Variants in KDM2B observed in about 807,000 individuals in gnomAD.
KDM2B encodes the protein lysine demethylase 2B.
Under a neutral mutation model 150.0 loss-of-function variants are expected in KDM2B, and 26 were observed. The ratio of observed to expected loss-of-function variants is 0.17; its 90% CI spans 0.13 to 0.24. KDM2B has a LOEUF of 0.24. KDM2B is among the 10% of genes least tolerant of loss of function. KDM2B has a pLI of 1.00. For synonymous variants in KDM2B, 734 were observed against 729.5 expected (o/e 1.01, Z -0.10); for missense variants, 1,265 against 1,816.9 (o/e 0.70, Z 5.52).
chr12:121,475,137 A>T (rs1214549345), intron 12 of KDM2B, among the ~76,000 whole-genome samples: 2 of 151,188 alleles, frequency 1.3e-5, no homozygotes, highest in East Asian at 3.9e-4. Flanking sequence ...TTGCCTAATG[A>T]TGCATTCTTC....
intron 2 of KDM2B, among the ~76,000 whole-genome samples, chr12:121,577,806 G>A (rs943416930): frequency 1.3e-5 from 2 of 152,122 alleles, no homozygotes; most frequent in East Asian, 1.9e-4. Context: ...CCCCAATCCC[G>A]CAGGCAATAC....
At chr12:121,480,728 C>G (rs1882017652) in intron 12 of KDM2B, among the ~76,000 whole-genome samples, 1 of 151,668 alleles carries the variant, frequency 6.6e-6, no homozygotes, top group Non-Finnish European at 1.5e-5. Flanking sequence ...CAGTATCATG[C>G]TACTATAGTC....
chr12:121,445,956 G>A (rs1363161453), intron 13 of KDM2B, among the ~76,000 whole-genome samples: 1 of 152,236 alleles, frequency 6.6e-6, no homozygotes, highest in Non-Finnish European at 1.5e-5. Flanking sequence ...GGTCAGAACT[G>A]TCTTCAGAAT....
chr12:121,470,052 G>A (rs1476643215), intron 12 of KDM2B: 3 of 151,276 alleles, frequency 2.0e-5, no homozygotes, highest in Non-Finnish European at 2.9e-5. Flanking sequence ...GGCGGAGATC[G>A]TGCCACTGCC....
chr12:121,408,992 G>C, the KDM2B span, among the ~76,000 whole-genome samples: 1 of 150,226 alleles, frequency 6.7e-6, no homozygotes, highest in Non-Finnish European at 1.5e-5. Flanking sequence ...TTTTTTTTGA[G>C]ATGGAGTCTT....
chr12:121,481,697 T>C (rs1431827036), intron 12 of KDM2B, among the ~76,000 whole-genome samples: 1 of 152,216 alleles, frequency 6.6e-6, no homozygotes, highest in African/African-American at 2.4e-5. Flanking sequence ...CGTGGCTTTC[T>C]AATTACTCCA....
At chr12:121,448,776 G>T (rs1475217760) in intron 13 of KDM2B, among the ~76,000 whole-genome samples, 1 of 152,236 alleles carries the variant, frequency 6.6e-6, no homozygotes, top group African/African-American at 2.4e-5. Context: ...ATCTGCCACG[G>T]CCTGAAACAA....
chr12:121,455,464 C>A (rs1878072641), intron 12 of KDM2B, among the ~76,000 whole-genome samples: 1 of 152,224 alleles, frequency 6.6e-6, no homozygotes, highest in South Asian at 2.1e-4. Context: ...ATAAGCCCAG[C>A]ATGCTGGGGT....
At chr12:121,542,405 A>G (rs1456116687) in intron 6 of KDM2B, among the ~76,000 whole-genome samples, 1 of 152,246 alleles carries the variant, frequency 6.6e-6, no homozygotes, top group East Asian at 1.9e-4. Context: ...TTGGCCTCCC[A>G]AAGTGCTGTG....
At position 121,575,702 on chromosome 12, in the gene KDM2B, G is replaced by A. The variant is rs28468612; in HGVS notation, c.350+79C>T. On this transcript the variant is annotated intron_variant, in intron 3 of 22. Coordinates refer to ENST00000377071, the MANE Select transcript of KDM2B (RefSeq NM_032590.5). The surrounding 1 kb of genome is among the most constrained non-coding windows in gnomAD (Gnocchi z 4.4). ...CTCAGTGATGAGAGGTGGGAAGAGGGTGGAAGAAATCCATCCCAAGCTATA... is the reference window on the plus strand; with the variant it reads ...CTCAGTGATGAGAGGTGGGAAGAGGATGGAAGAAATCCATCCCAAGCTATA... The A allele has an allele frequency of 0.047, 47,496 of 1,015,716 alleles. 2,257 individuals carry two copies. Among genetic ancestry groups the A allele is most frequent in the East Asian group, 0.24 (9,935 of 42,098 alleles). The allele number at this position is 1,015,716 out of a possible 1,614,324, so 62.9% of individuals were successfully genotyped here. A position where few individuals can be genotyped will look rare whatever the true frequency, so the allele number is the denominator to read the frequency against.
rs782126432 is a variant in KDM2B, at chr12:121,519,098, G to A, written c.1047+1887C>T. Among the ~76,000 whole-genome samples, 13 of 152,252 alleles carry A rather than the reference G, an allele frequency of 8.5e-5. No homozygotes were observed. In the South Asian group the frequency reaches 1.0e-3, roughly 12 times the overall value. On this transcript the variant is annotated intron_variant, in intron 9 of 22. Transcript: ENST00000377071. ...GACCCAGGTCTCTCCAGATCTAGGC[G>A]TCACGTGTCAATCTGCAGAGGTACA...
At chr12:121,494,540 TG>T in intron 12 of KDM2B, 38 bp downstream of exon 12, 1 of 1,536,584 alleles carries the variant, frequency 6.5e-7, no homozygotes, top group South Asian at 1.2e-5. Context: ...GGGAAGGAGG[TG>T]GGAAGCGGCC....
At chr12:121,483,288 A>C (rs549257013) in intron 12 of KDM2B, among the ~76,000 whole-genome samples, 119 of 152,014 alleles carry the variant, frequency 7.8e-4, no homozygotes, top group African/African-American at 2.7e-3. Context: ...ATATAAAAAA[A>C]ACACACACCA....
At chr12:121,422,636 A>G in the KDM2B span, among the ~76,000 whole-genome samples, 2 of 152,198 alleles carry the variant, frequency 1.3e-5, no homozygotes, top group Admixed American at 1.3e-4. Context: ...TTCTGTTCCA[A>G]CTATTCATGA....
At chr12:121,480,920 GT>G (rs112105685) in intron 12 of KDM2B, among the ~76,000 whole-genome samples, 3 of 137,054 alleles carry the variant, frequency 2.2e-5, no homozygotes, top group East Asian at 2.7e-4. Flanking sequence ...AGTGAGAGGT[GT>G]TTTTTTTGTT....
chr12:121,458,140 T>C (rs574580673), intron 12 of KDM2B, among the ~76,000 whole-genome samples: 209 of 152,222 alleles, frequency 1.4e-3, no homozygotes, highest in African/African-American at 4.8e-3. Flanking sequence ...CTCAGCACTT[T>C]GGGAGGCCAA....
chr12:121,491,743 G>A (rs1487394570), intron 12 of KDM2B, among the ~76,000 whole-genome samples: 1 of 147,100 alleles, frequency 6.8e-6, no homozygotes, highest in South Asian at 2.1e-4. Flanking sequence ...GCAGTGAGCC[G>A]AGATTGCACC....
At chr12:121,572,916 C>T (rs1264254750) in intron 4 of KDM2B, among the ~76,000 whole-genome samples, 4 of 151,546 alleles carry the variant, frequency 2.6e-5, no homozygotes, top group African/African-American at 7.3e-5. Context: ...ACCTCTACCT[C>T]CTAGGTTCAA....
At position 121,537,759 on chromosome 12, in the gene KDM2B, A is replaced by T. The variant is rs1888258996; in HGVS notation, c.684-3169T>A. On this transcript the variant is annotated intron_variant, in intron 6 of 22. Coordinates refer to ENST00000377071, the MANE Select transcript of KDM2B (RefSeq NM_032590.5). The surrounding 1 kb of genome is among the most constrained non-coding windows in gnomAD (Gnocchi z 8.7). ...ACACCCGAGGGGCGCGGGAGGTGCCAAGAGCGCGCCGCACACTCGCACCCG... is the reference window on the plus strand; with the variant it reads ...ACACCCGAGGGGCGCGGGAGGTGCCTAGAGCGCGCCGCACACTCGCACCCG... The T allele has an allele frequency of 6.6e-6, 1 of 151,906 alleles. No individual in the cohort carries two copies. The highest frequency in any genetic ancestry group is 1.5e-5 in the Non-Finnish European group (1 of 67,924). The allele number at this position is 151,906 out of a possible 1,614,324, so 9.4% of individuals were successfully genotyped here. A position where few individuals can be genotyped will look rare whatever the true frequency, so the allele number is the denominator to read the frequency against.
Sources: gnomAD v4.1 joint callset for allele counts (sites outside exome capture counted in the v4.1 genomes callset) on GRCh38, gnomAD v4.1.1 for gene constraint, Gnocchi (gnomAD v3.1) non-coding constraint, MANE v1.5 for transcripts, NCBI Gene and HGNC (gene_info 2026-07-23, HGNC 2026-07-21) for gene names.